The following SMAD1 variants were observed in gnomAD, a reference collection of about 807,000 sequenced individuals.
The protein encoded by SMAD1 is MAD, mothers against decapentaplegic homolog 1.
A neutral mutation model predicts 41.6 loss-of-function variants in SMAD1; 6 were observed. That is an observed-to-expected ratio of 0.14 (90% CI 0.08 to 0.28). The LOEUF is 0.28. SMAD1 is among the 10% of genes least tolerant of loss of function. The pLI is 1.00. For synonymous variants in SMAD1, 206 were observed against 203.2 expected (o/e 1.01, Z -0.12); for missense variants, 379 against 582.6 (o/e 0.65, Z 3.60).
At chr4:145,557,494 AGT>A (rs1732907114) in intron 6 of SMAD1, among the ~76,000 whole-genome samples, 1 of 152,216 alleles carries the variant, frequency 6.6e-6, no homozygotes, top group Admixed American at 6.5e-5. Context: ...AAAGTTTTAA[AGT>A]GTCTTTATTA....
chr4:145,484,760 T>A (rs1362354069), intron 1 of SMAD1: 1 of 152,210 alleles, frequency 6.6e-6, no homozygotes, highest in African/African-American at 2.4e-5. Context: ...TACTGAATGC[T>A]TCATGTGAGT....
intron 1 of SMAD1, among the ~76,000 whole-genome samples, chr4:145,511,715 A>G (rs997257901): frequency 2.0e-5 from 3 of 152,228 alleles, no homozygotes; most frequent in African/African-American, 2.4e-5. Flanking sequence ...GGACCTTAGA[A>G]TGCTAACTTC....
At chr4:145,536,272 A>T (rs1291794062) in intron 2 of SMAD1, among the ~76,000 whole-genome samples, 1 of 152,146 alleles carries the variant, frequency 6.6e-6, no homozygotes, top group Non-Finnish European at 1.5e-5. Flanking sequence ...TGGCTCCAGT[A>T]GACATACAGA....
At chr4:145,544,572 A>G (rs1732141143) in intron 4 of SMAD1, 1 of 151,004 alleles carries the variant, frequency 6.6e-6, no homozygotes, top group Non-Finnish European at 1.5e-5. Flanking sequence ...CAAGAGCAAA[A>G]CTCAGTCTCA....
At chr4:145,480,791 T>G (rs1728139124), upstream of SMAD1, among the ~76,000 whole-genome samples, 1 of 152,182 alleles carries the variant, frequency 6.6e-6, no homozygotes, top group Admixed American at 6.5e-5. Context: ...AATGATCAAC[T>G]GCGTCAAACG....
intron 2 of SMAD1, among the ~76,000 whole-genome samples, chr4:145,516,795 A>G (rs1040460766): frequency 2.0e-5 from 3 of 152,232 alleles, no homozygotes; most frequent in African/African-American, 7.2e-5. Context: ...ATTTAGGCAC[A>G]TGATTTTTTT....
chr4:145,490,192 A>G (rs1386060875), intron 1 of SMAD1, among the ~76,000 whole-genome samples: 1 of 152,144 alleles, frequency 6.6e-6, no homozygotes, highest in African/African-American at 2.4e-5. Flanking sequence ...ACAGAGAGCA[A>G]TTGGAGGTGA....
intron 2 of SMAD1, among the ~76,000 whole-genome samples, chr4:145,521,412 T>A (rs1033301467): frequency 2.6e-5 from 4 of 152,202 alleles, no homozygotes; most frequent in Non-Finnish European, 5.9e-5. Flanking sequence ...ATATTAAATC[T>A]GAGCTTGAAA....
intron 1 of SMAD1, among the ~76,000 whole-genome samples, chr4:145,499,948 C>G (rs1338190444): frequency 2.0e-5 from 3 of 152,156 alleles, no homozygotes; most frequent in South Asian, 2.1e-4. Context: ...AAATCTCGCT[C>G]AGTCTTACAG....
intron 1 of SMAD1, among the ~76,000 whole-genome samples, chr4:145,506,605 T>C (rs1018166962): frequency 2.0e-5 from 3 of 152,204 alleles, no homozygotes; most frequent in African/African-American, 7.2e-5. Flanking sequence ...TCTCCTAATC[T>C]TTTTATTAAA....
At chr4:145,557,186 T>A (rs1035509947) in intron 6 of SMAD1, among the ~76,000 whole-genome samples, 6 of 152,230 alleles carry the variant, frequency 3.9e-5, no homozygotes, top group Admixed American at 1.3e-4. Flanking sequence ...AACTGTATTG[T>A]CTTAATGCAC....
At chr4:145,486,516 C>T (rs919278688) in intron 1 of SMAD1, among the ~76,000 whole-genome samples, 1 of 144,764 alleles carries the variant, frequency 6.9e-6, no homozygotes, top group African/African-American at 2.9e-5. Context: ...AAGGTCAGGG[C>T]TGTTTAAGAA....
rs1180507462 is a variant in SMAD1, at chr4:145,554,521, G to GT, written c.1254+489dup. Reference sequence around the variant, plus strand: ...CACATTGGAAATTGTGTTTGGTCAGGTTTTTTTTAGTGGTTTCAGTAAGCT... The same window carrying GT: ...CACATTGGAAATTGTGTTTGGTCAGGTTTTTTTTTAGTGGTTTCAGTAAGCT... On this transcript the variant is annotated intron_variant, in intron 6 of 6. Transcript: ENST00000302085. Among the ~76,000 whole-genome samples, 52 of 151,856 alleles carry GT rather than the reference G, an allele frequency of 3.4e-4. 1 individual carries two copies. The highest frequency in any genetic ancestry group is 2.4e-3 in the Admixed American group (37 of 15,228).
intron 2 of SMAD1, among the ~76,000 whole-genome samples, chr4:145,523,166 AAACT>A (rs1406932808): frequency 1.3e-5 from 2 of 152,254 alleles, no homozygotes; most frequent in South Asian, 2.1e-4. Flanking sequence ...AGCACATGAT[AAACT>A]AACTCCTCAG....
chr4:145,540,440 A>G (rs1731859919), intron 3 of SMAD1, among the ~76,000 whole-genome samples: 1 of 152,254 alleles, frequency 6.6e-6, no homozygotes, highest in South Asian at 2.1e-4. Flanking sequence ...GTTTTCATAC[A>G]TGGAAAAAAC....
chr4:145,521,798 G>C (rs769094652), intron 2 of SMAD1, among the ~76,000 whole-genome samples: 15 of 151,354 alleles, frequency 9.9e-5, no homozygotes, highest in Non-Finnish European at 2.1e-4. Flanking sequence ...GTAATATTCT[G>C]TGATAGTCTG....
rs1382987739 is a variant in SMAD1 at position 145,553,965 on chromosome 4, A to G, written c.1179A>G (p.Ala393=). ...ACCAAGAATTTGCTCAGTTATTGGC[A>G]CAGTCTGTGAACCATGGATTTGAGA... is the stretch of plus-strand genomic sequence containing the variant. ...FNNQEFAQLL[A]QSVNHGFETV... The change falls in exon 6 of 7, where the codon GCA becomes GCG. Residue 393 remains alanine, a synonymous_variant. Transcript: ENST00000302085. 1 of 1,613,916 alleles carries G rather than the reference A, an allele frequency of 6.2e-7. No homozygotes were observed. Among genetic ancestry groups the G allele is most frequent in the African/African-American group, 1.3e-5 (1 of 74,906 alleles).
At chr4:145,549,982 T>C (rs989177062) in intron 5 of SMAD1, among the ~76,000 whole-genome samples, 3 of 152,190 alleles carry the variant, frequency 2.0e-5, no homozygotes, top group Non-Finnish European at 4.4e-5. Context: ...ATGACTCTTA[T>C]CCCAAAGTAG....
intron 4 of SMAD1, chr4:145,546,439 C>T (rs914202784): frequency 3.5e-5 from 16 of 451,314 alleles, no homozygotes; most frequent in South Asian, 1.2e-4. Context: ...AAAGTTTTTG[C>T]TGTGCTTCCT....
Sources: allele counts gnomAD v4.1 joint callset (sites outside exome capture counted in the v4.1 genomes callset), GRCh38; gene constraint gnomAD v4.1.1; transcripts MANE v1.5; gene names NCBI Gene and HGNC (gene_info 2026-07-23, HGNC 2026-07-21).